Variants in ABCA1 observed in about 807,000 individuals in gnomAD.
ABCA1 encodes the protein ATP binding cassette subfamily A member 1, also known as phospholipid-transporting ATPase ABCA1.
ABCA1 carries 133 observed loss-of-function variants against 262.5 expected under a neutral mutation model. The ratio of observed to expected loss-of-function variants is 0.51; its 90% CI spans 0.44 to 0.59. The LOEUF (loss-of-function observed/expected upper bound fraction) is 0.59. Ranked by LOEUF, ABCA1 falls within the 20% of genes least tolerant of loss-of-function variation. The probability of loss-of-function intolerance (pLI) is 0.00; values close to 1 mark genes in which losing one functional copy is unlikely to be tolerated. For missense variants in ABCA1, 2,452 were observed against 2,777.5 expected (o/e 0.88, Z 2.63); for synonymous variants, 1,022 against 1,043.5 (o/e 0.98, Z 0.40).
chr9:104,872,408 G>C (rs1360378954), intron 5 of ABCA1, among the ~76,000 whole-genome samples: 1 of 152,106 alleles, frequency 6.6e-6, no homozygotes, highest in Non-Finnish European at 1.5e-5. Context: ...TCCTAATGTT[G>C]GAATAAGCAA....
intron 18 of ABCA1, among the ~76,000 whole-genome samples, chr9:104,822,961 T>C (rs1164713225): frequency 6.6e-6 from 1 of 151,542 alleles, no homozygotes; most frequent in Non-Finnish European, 1.5e-5. Context: ...AAAAATGCCA[T>C]GGAACTGTGA....
chr9:104,907,017 C>T (rs989809275), intron 1 of ABCA1, among the ~76,000 whole-genome samples: 11 of 152,088 alleles, frequency 7.2e-5, no homozygotes, highest in East Asian at 1.9e-4. Context: ...TGCCTCTCCC[C>T]GACTTAAAAC....
intron 18 of ABCA1, among the ~76,000 whole-genome samples, chr9:104,822,974 C>T (rs1315801996): frequency 6.6e-6 from 1 of 151,812 alleles, no homozygotes; most frequent in Non-Finnish European, 1.5e-5. Context: ...AACTGTGATA[C>T]ACCCCTCCCA....
rs1828996169 is a variant in ABCA1 at position 104,787,080 on chromosome 9, C to T, written c.6205-104G>A. The T allele has an allele frequency of 3.3e-6, 3 of 901,288 alleles. No homozygotes were observed. The East Asian group carries it at 7.8e-5, about 23-fold the overall frequency. The allele number at this position is 901,288 out of a possible 1,614,324, so 55.8% of individuals were successfully genotyped here. The stretch of plus-strand genomic sequence containing the variant: ...ATCTTTGAAACAGCTTAAATTTTAA[C>T]TTGCCATTCTAGTTATTTCTTGATG... On this transcript the variant is annotated intron_variant, in intron 46 of 49. Coordinates refer to ENST00000374736, the MANE Select transcript of ABCA1 (RefSeq NM_005502.4).
intron 3 of ABCA1, among the ~76,000 whole-genome samples, chr9:104,884,834 C>G (rs556491275): frequency 6.6e-6 from 1 of 152,218 alleles, no homozygotes; most frequent in Non-Finnish European, 1.5e-5. Context: ...GCAGAAAGTC[C>G]CTGGCATCCT....
At chr9:104,879,073 T>TAAAAA (rs760244801) in intron 5 of ABCA1, among the ~76,000 whole-genome samples, 9 of 143,296 alleles carry the variant, frequency 6.3e-5, no homozygotes, top group African/African-American at 2.3e-4. Flanking sequence ...GGCTCTGTCT[T>TAAAAA]AAAAAAAAAA....
At chr9:104,824,792 G>A (rs1338131093) in intron 17 of ABCA1, among the ~76,000 whole-genome samples, 2 of 152,200 alleles carry the variant, frequency 1.3e-5, no homozygotes, top group Admixed American at 1.3e-4. Context: ...CACGGGGCAG[G>A]TGCCATCCCC....
At chr9:104,846,405 G>T (rs1355696254) in intron 7 of ABCA1, among the ~76,000 whole-genome samples, 1 of 152,160 alleles carries the variant, frequency 6.6e-6, no homozygotes, top group Non-Finnish European at 1.5e-5. Flanking sequence ...GTTTCTATGA[G>T]CATTGTTTTA....
chr9:104,917,051 T>C (rs555515759), intron 1 of ABCA1, among the ~76,000 whole-genome samples: 2 of 152,306 alleles, frequency 1.3e-5, no homozygotes, highest in South Asian at 4.1e-4. Flanking sequence ...TTTGGCAACT[T>C]ACATTAAAAT....
At position 104,838,616 on chromosome 9, in the gene ABCA1, CAAAA is replaced by C. The variant is rs1191592377; in HGVS notation, c.1055-1053_1055-1050del. 2.8e-5 allele frequency among the ~76,000 whole-genome samples: 3 copies of C among 106,716 alleles called. No homozygotes were observed. The Admixed American group carries it at 3.0e-4, about 11-fold the overall frequency. 70.0% of individuals were successfully genotyped at this position (106,716 alleles called of 152,430 possible). ...TGGGCAACGGAGCGAGACTCCCTCT[CAAAA>C]AAAAAAAAAAAAATTCTCTTTAATT... On this transcript the variant is annotated intron_variant, in intron 9 of 49. Transcript: ENST00000374736.
At chr9:104,838,638 CTTTAA>C (rs1204012535) in intron 9 of ABCA1, among the ~76,000 whole-genome samples, 2 of 150,896 alleles carry the variant, frequency 1.3e-5, no homozygotes, top group Non-Finnish European at 3.0e-5. Flanking sequence ...AAAAAATTCT[CTTTAA>C]TTAACACAAA....
At chr9:104,836,794 G>A (rs772488195) in intron 11 of ABCA1, among the ~76,000 whole-genome samples, 186 bp downstream of exon 11, 37 of 152,186 alleles carry the variant, frequency 2.4e-4, no homozygotes, top group Non-Finnish European at 2.9e-5. Context: ...TATGCACAGC[G>A]TTATCTCTGC....
At chr9:104,874,771 G>C (rs549936198) in intron 5 of ABCA1, among the ~76,000 whole-genome samples, 233 of 144,886 alleles carry the variant, frequency 1.6e-3, no homozygotes, top group South Asian at 0.013. Flanking sequence ...CCGTCCGGGA[G>C]GGAGGTGGGG....
intron 30 of ABCA1, among the ~76,000 whole-genome samples, chr9:104,809,168 A>G (rs1831050976): frequency 6.6e-6 from 1 of 152,264 alleles, no homozygotes; most frequent in Non-Finnish European, 1.5e-5. Flanking sequence ...GAAAGAAAGG[A>G]AAAGCATTTC....
At position 104,883,990 on chromosome 9, in the gene ABCA1, CAG is replaced by C. The variant is rs151126040; in HGVS notation, c.302+435_302+436del. ...ACATTGTAGTCTGATGGGGCAGTGA[CAG>C]AGGTGAGAGAGGTGACCTGATGCAG... is the stretch of plus-strand genomic sequence containing the variant. On this transcript the variant is annotated intron_variant, in intron 4 of 49. Coordinates refer to ENST00000374736, the MANE Select transcript of ABCA1 (RefSeq NM_005502.4). 1.7e-3 allele frequency among the ~76,000 whole-genome samples: 264 copies of C among 152,298 alleles called. 1 individual carries two copies. Among genetic ancestry groups the C allele is most frequent in the African/African-American group, 5.6e-3 (231 of 41,560 alleles).
In ABCA1 at chr9:104,893,421, C is replaced by CAAAAAAAAAA. The variant is rs34544647; in HGVS notation, c.67-4236_67-4227dup. Among the ~76,000 whole-genome samples, 35 of 35,240 alleles carry CAAAAAAAAAA rather than the reference C, an allele frequency of 9.9e-4. 2 individuals are homozygous for CAAAAAAAAAA. Among genetic ancestry groups the CAAAAAAAAAA allele is most frequent in the African/African-American group, 2.2e-3 (24 of 10,762 alleles). 23.1% of individuals were successfully genotyped at this position (35,240 alleles called of 152,430 possible). ...TGGGCAACAGAGTGAGACTTCACCT[C>CAAAAAAAAAA]AAAAAAAAAAAAAAAAAAAAAAAAA... On this transcript the variant is annotated intron_variant, in intron 2 of 49. Coordinates refer to ENST00000374736, the MANE Select transcript of ABCA1 (RefSeq NM_005502.4).
chr9:104,783,750 A>C lies in ABCA1; in HGVS notation c.*565T>G, dbSNP rs1234979902. On this transcript the variant is annotated 3_prime_UTR_variant, in exon 50 of 50. Transcript: ENST00000374736. ...TATTCAATGTTGATAGACTCTGAGC[A>C]GAGCAGCTTTCACAAAAGTGAGCAT... 6.3e-6 allele frequency: 1 copy of C among 157,614 alleles called. No individual in the cohort carries two copies. Among genetic ancestry groups the C allele is most frequent in the East Asian group, 1.9e-4 (1 of 5,390 alleles). 9.8% of individuals were successfully genotyped at this position (157,614 alleles called of 1,614,324 possible).
chr9:104,837,390 G>A, intron 10 of ABCA1, 38 bp downstream of exon 10: 1 of 1,613,718 alleles, frequency 6.2e-7, no homozygotes, highest in Non-Finnish European at 8.5e-7. Flanking sequence ...GTTCTGGGGA[G>A]ATTCTGGGGA....
At chr9:104,884,377 GA>G in intron 4 of ABCA1, 49 bp downstream of exon 4, 1 of 1,611,968 alleles carries the variant, frequency 6.2e-7, no homozygotes, top group East Asian at 2.2e-5. Flanking sequence ...AGAAAGGAAG[GA>G]AAAGGATTAA....
Sources: allele counts gnomAD v4.1 joint callset (sites outside exome capture counted in the v4.1 genomes callset), GRCh38; gene constraint gnomAD v4.1.1; transcripts MANE v1.5; gene names NCBI Gene and HGNC (gene_info 2026-07-23, HGNC 2026-07-21).